Variants in CAMK1D observed in about 807,000 individuals in gnomAD.
CAMK1D encodes the protein calcium/calmodulin dependent protein kinase ID.
A neutral mutation model predicts 47.7 loss-of-function variants in CAMK1D; 9 were observed. The observed-to-expected ratio is 0.19, with a 90% confidence interval of 0.11 to 0.33. CAMK1D has a LOEUF of 0.33. Among genes scored for constraint, CAMK1D ranks in the 10% least tolerant of loss-of-function variants. CAMK1D has a pLI of 1.00. For missense variants in CAMK1D, 291 were observed against 488.7 expected (o/e 0.60, Z 3.81); for synonymous variants, 184 against 184.9 (o/e 0.99, Z 0.04).
intron 2 of CAMK1D, among the ~76,000 whole-genome samples, chr10:12,574,471 T>A (rs1413403625): frequency 8.9e-6 from 1 of 111,776 alleles, no homozygotes; most frequent in African/African-American, 4.1e-5. Flanking sequence ...CTAGCTAATT[T>A]TTTTTTTTTT....
chr10:12,724,153 C>T (rs1834516562), intron 3 of CAMK1D, among the ~76,000 whole-genome samples: 1 of 152,152 alleles, frequency 6.6e-6, no homozygotes, highest in Non-Finnish European at 1.5e-5. Context: ...CATGCCGGGC[C>T]AAATTTTTAT....
Position 12,694,197 on chromosome 10 carries a change from T to TTATATATTATATAATATATAA in CAMK1D, c.299+27397_299+27398insATAATATATAATATATATTAT, listed in dbSNP as rs1564498427. 8.5e-3 allele frequency among the ~76,000 whole-genome samples: 27 copies of TTATATATTATATAATATATAA among 3,184 alleles called. 3 individuals carry two copies. Among genetic ancestry groups the TTATATATTATATAATATATAA allele is most frequent in the Non-Finnish European group, 0.017 (22 of 1,288 alleles). The allele number at this position is 3,184 out of a possible 152,430, so 2.1% of individuals were successfully genotyped here. A position where few individuals can be genotyped will look rare whatever the true frequency, so the allele number is the denominator to read the frequency against. Reference sequence around the variant, plus strand: ...TATATTATATATAATATAATATATATTATATATTATGTATAATATAAAATA... The same window carrying TTATATATTATATAATATATAA: ...TATATTATATATAATATAATATATATTATATATTATATAATATATAATATATATTATGTATAATATAAAATA... On this transcript the variant is annotated intron_variant, in intron 3 of 10. Transcript: ENST00000619168.
chr10:12,401,687 G>A (rs575303882), intron 1 of CAMK1D, among the ~76,000 whole-genome samples: 27 of 151,804 alleles, frequency 1.8e-4, no homozygotes, highest in Admixed American at 6.6e-5. Context: ...AGGTGAGCTG[G>A]GCCTGTGGCT....
intron 1 of CAMK1D, among the ~76,000 whole-genome samples, chr10:12,431,257 C>T (rs1296825892): frequency 1.3e-5 from 2 of 152,202 alleles, no homozygotes; most frequent in Admixed American, 6.5e-5. Context: ...ACACACATCT[C>T]ACCTCCACTG....
At chr10:12,731,533 G>C (rs899919107) in intron 3 of CAMK1D, among the ~76,000 whole-genome samples, 1 of 152,238 alleles carries the variant, frequency 6.6e-6, no homozygotes, top group South Asian at 2.1e-4. Flanking sequence ...CTCATGTTCA[G>C]CTGCACTGGT....
At chr10:12,581,903 T>C (rs925947261) in intron 2 of CAMK1D, among the ~76,000 whole-genome samples, 4 of 152,202 alleles carry the variant, frequency 2.6e-5, no homozygotes, top group Admixed American at 2.6e-4. Flanking sequence ...TCAAGTCCCA[T>C]CTATTTATCT....
At chr10:12,550,202 T>C (rs754335735) in intron 1 of CAMK1D, among the ~76,000 whole-genome samples, 34 of 152,140 alleles carry the variant, frequency 2.2e-4, no homozygotes, top group Admixed American at 6.5e-4. Flanking sequence ...CTCAGGACCA[T>C]TGGGGTGTCA....
At chr10:12,362,353 T>C (rs1837690368) in intron 1 of CAMK1D, among the ~76,000 whole-genome samples, 1 of 152,182 alleles carries the variant, frequency 6.6e-6, no homozygotes, top group South Asian at 2.1e-4. Context: ...GATACAGTCA[T>C]CCCTTGGTAT....
chr10:12,384,535 A>C (rs1432618243), intron 1 of CAMK1D, among the ~76,000 whole-genome samples: 1 of 152,236 alleles, frequency 6.6e-6, no homozygotes, highest in Non-Finnish European at 1.5e-5. Context: ...TCTCACATTT[A>C]TGGTTTATTT....
intron 2 of CAMK1D, among the ~76,000 whole-genome samples, chr10:12,624,528 C>T (rs914022568): frequency 1.3e-5 from 2 of 152,192 alleles, no homozygotes; most frequent in African/African-American, 4.8e-5. Context: ...GCCCATTTCA[C>T]TCAGATGATG....
intron 2 of CAMK1D, among the ~76,000 whole-genome samples, chr10:12,621,228 C>G (rs149836804): frequency 1.5e-5 from 2 of 130,586 alleles, no homozygotes; most frequent in East Asian, 4.8e-4. Flanking sequence ...ATTCCTCCCA[C>G]TGTTGTTTTT....
chr10:12,794,432 G>C (rs1286769842), intron 6 of CAMK1D, among the ~76,000 whole-genome samples: 1 of 152,160 alleles, frequency 6.6e-6, no homozygotes, highest in Non-Finnish European at 1.5e-5. Flanking sequence ...GTATGCACGT[G>C]TGGAATTCAG....
chr10:12,676,002 G>C (rs1000932913), intron 3 of CAMK1D, among the ~76,000 whole-genome samples: 1 of 152,218 alleles, frequency 6.6e-6, no homozygotes, highest in Non-Finnish European at 1.5e-5. Context: ...GCCCAGGCTG[G>C]AGTGCAATGG....
intron 1 of CAMK1D, among the ~76,000 whole-genome samples, chr10:12,527,350 C>CTTT (rs750670427): frequency 0.011 from 935 of 83,804 alleles, 25 homozygotes; most frequent in Middle Eastern, 0.014. Context: ...ACTTGACTTG[C>CTTT]TTTTTTTTTT....
At chr10:12,374,103 TATAGA>T (rs1838095191) in intron 1 of CAMK1D, among the ~76,000 whole-genome samples, 1 of 149,102 alleles carries the variant, frequency 6.7e-6, no homozygotes, top group African/African-American at 2.5e-5. Flanking sequence ...CTACTAAAAA[TATAGA>T]AATTAGCCAG....
intron 4 of CAMK1D, among the ~76,000 whole-genome samples, chr10:12,764,782 T>C (rs886825164): frequency 1.3e-5 from 2 of 152,208 alleles, no homozygotes; most frequent in African/African-American, 4.8e-5. Context: ...TTTCAACTGA[T>C]TGGCGACTTT....
chr10:12,787,861 C>A (rs1455075501), intron 5 of CAMK1D, among the ~76,000 whole-genome samples: 1 of 151,918 alleles, frequency 6.6e-6, no homozygotes, highest in African/African-American at 2.4e-5. Flanking sequence ...TTAGCCGGGC[C>A]TGGTGGTGCA....
At chr10:12,487,480 T>G (rs890416684) in intron 1 of CAMK1D, among the ~76,000 whole-genome samples, 2 of 152,274 alleles carry the variant, frequency 1.3e-5, no homozygotes, top group Non-Finnish European at 2.9e-5. Flanking sequence ...ACAGCTAACA[T>G]GGACCTGGGA....
intron 3 of CAMK1D, among the ~76,000 whole-genome samples, chr10:12,673,291 G>A (rs1004480088): frequency 8.1e-5 from 12 of 147,732 alleles, no homozygotes; most frequent in African/African-American, 2.5e-4. Context: ...ATTAATAAAC[G>A]TAAGTGTTTT....
Sources: allele counts gnomAD v4.1 joint callset (sites outside exome capture counted in the v4.1 genomes callset), GRCh38; gene constraint gnomAD v4.1.1; transcripts MANE v1.5; gene names NCBI Gene and HGNC (gene_info 2026-07-23, HGNC 2026-07-21).